Variants in VPS13D observed in about 807,000 individuals in gnomAD.
The protein encoded by VPS13D is vacuolar protein sorting 13 homolog D, also known as intermembrane lipid transfer protein VPS13D.
VPS13D carries 187 observed loss-of-function variants against 461.9 expected under a neutral mutation model. That is an observed-to-expected ratio of 0.40 (90% confidence interval 0.36 to 0.46). The LOEUF is 0.46. VPS13D is among the 20% of genes least tolerant of loss of function. VPS13D has a pLI of 0.60. For missense variants in VPS13D, 4,711 were observed against 5,364.9 expected (o/e 0.88, Z 3.81); for synonymous variants, 1,951 against 1,986.3 (o/e 0.98, Z 0.47).
At chr1:12,363,941 G>C (rs1023623114) in intron 52 of VPS13D, among the ~76,000 whole-genome samples, 1 of 84,858 alleles carries the variant, frequency 1.2e-5, no homozygotes, top group African/African-American at 4.9e-5. Flanking sequence ...GACAGAGTAA[G>C]ACTCTATCTC....
At chr1:12,247,738 CTG>C (rs1481764702) in intron 5 of VPS13D, among the ~76,000 whole-genome samples, 2 of 146,344 alleles carry the variant, frequency 1.4e-5, no homozygotes, top group East Asian at 4.0e-4. Flanking sequence ...GAGTCTCCCT[CTG>C]TTGCTCAGGC....
intron 60 of VPS13D, among the ~76,000 whole-genome samples, chr1:12,397,476 G>A (rs571897963): frequency 6.6e-6 from 1 of 152,324 alleles, no homozygotes; most frequent in South Asian, 2.1e-4. Context: ...CAAAGGAGAA[G>A]ACAATATGGT....
intron 46 of VPS13D, among the ~76,000 whole-genome samples, chr1:12,351,230 C>T (rs564191355): frequency 6.6e-6 from 1 of 152,338 alleles, no homozygotes; most frequent in Admixed American, 6.5e-5. Context: ...GATACAGCTA[C>T]TATGTAAAAA....
chr1:12,358,679 GC>G (rs1643909645), intron 50 of VPS13D, 78 bp downstream of exon 50: 2 of 1,553,366 alleles, frequency 1.3e-6, no homozygotes, highest in Admixed American at 1.9e-5. Context: ...ACCTGGCCAT[GC>G]ATTTTGGCCT....
intron 60 of VPS13D, among the ~76,000 whole-genome samples, chr1:12,398,077 T>C (rs1489279868): frequency 1.3e-5 from 2 of 152,192 alleles, no homozygotes; most frequent in Non-Finnish European, 2.9e-5. Context: ...TGTGTATGAC[T>C]CGATTTATAG....
chr1:12,364,045 A>T, intron 52 of VPS13D, among the ~76,000 whole-genome samples: 1 of 151,900 alleles, frequency 6.6e-6, no homozygotes, highest in African/African-American at 2.4e-5. Context: ...CTTTAAAAAA[A>T]TTATTTAAAA....
intron 67 of VPS13D, among the ~76,000 whole-genome samples, chr1:12,461,020 C>G (rs1345883037): frequency 6.6e-6 from 1 of 152,204 alleles, no homozygotes; most frequent in African/African-American, 2.4e-5. Context: ...AAATCAGGGA[C>G]AGCCCATATG....
Position 12,469,978 on chromosome 1 carries a change from C to G in VPS13D, c.12662+9582C>G, listed in dbSNP as rs529897055. On this transcript the variant is annotated intron_variant, in intron 67 of 69. Coordinates refer to ENST00000620676, the MANE Select transcript of VPS13D (RefSeq NM_015378.4). ...CTTGCCAAAACCTCAACTTTCTCCC[C>G]TAGCAAAGTTGCTGGAGTAGGATAA... is the stretch of plus-strand genomic sequence containing the variant. Among the ~76,000 whole-genome samples, 8 of 152,308 alleles carry G rather than the reference C, an allele frequency of 5.3e-5. No individual in the cohort carries two copies. In the South Asian group the frequency reaches 1.7e-3, roughly 32 times the overall value.
chr1:12,454,849 A>G (rs565032651), intron 65 of VPS13D, among the ~76,000 whole-genome samples: 1 of 152,386 alleles, frequency 6.6e-6, no homozygotes, highest in Admixed American at 6.5e-5. Flanking sequence ...GTCCTGGGTC[A>G]TTGGCACTTA....
chr1:12,490,772 C>T (rs550929703), intron 67 of VPS13D, among the ~76,000 whole-genome samples: 5 of 139,930 alleles, frequency 3.6e-5, no homozygotes, highest in African/African-American at 5.4e-5. Flanking sequence ...GCTACAGGTC[C>T]GAGATAGATG....
chr1:12,403,891 A>G lies in VPS13D; in HGVS notation c.11948A>G (p.Tyr3983Cys), dbSNP rs1396036797. ...TAEQGGTPIR[Y>C]YFENLKISIP... is the part of the protein sequence containing the mutation. ...GAGCAAGGTGGAACACCAATTCGAT[A>G]CTACTTTGAAAATCTCAAAATCAGC... Residue 3983 changes from tyrosine (Y) to cysteine (C), a missense_variant, in exon 63 of 70, where the codon TAC becomes TGC. By Grantham distance (194) the Tyr-to-Cys change is radical. Transcript: ENST00000620676. 2 of 1,613,472 alleles carry G rather than the reference A, an allele frequency of 1.2e-6. No homozygotes were observed. The highest frequency in any genetic ancestry group is 1.7e-6 in the Non-Finnish European group (2 of 1,179,874).
At chr1:12,305,359 T>A (rs1642532617) in intron 26 of VPS13D, among the ~76,000 whole-genome samples, 1 of 152,164 alleles carries the variant, frequency 6.6e-6, no homozygotes, top group Non-Finnish European at 1.5e-5. Context: ...ACTGCAGCAC[T>A]GACCTCCTGA....
chr1:12,469,483 C>G (rs1406502098), intron 67 of VPS13D, among the ~76,000 whole-genome samples: 1 of 152,218 alleles, frequency 6.6e-6, no homozygotes, highest in African/African-American at 2.4e-5. Flanking sequence ...CCTTCTGTGA[C>G]TCTGCATACA....
At chr1:12,320,781 G>C (rs1010638009) in intron 32 of VPS13D, among the ~76,000 whole-genome samples, 8 of 152,204 alleles carry the variant, frequency 5.3e-5, no homozygotes, top group Non-Finnish European at 1.2e-4. Context: ...AAATGAAACT[G>C]TTCTGCTCTG....
At position 12,400,255 on chromosome 1, in the gene VPS13D, C is replaced by T. The variant is rs1644557432; in HGVS notation, c.11709C>T (p.Val3903=). The T allele has an allele frequency of 6.2e-7, 1 of 1,614,124 alleles. No individual in the cohort carries two copies. Among genetic ancestry groups the T allele is most frequent in the Non-Finnish European group, 8.5e-7 (1 of 1,180,038 alleles). The change falls in exon 61 of 70, where the codon GTC becomes GTT. Residue 3903 remains valine (V), a synonymous_variant. Transcript: ENST00000620676. ...CTCCCCTGAGCAATGAGAATGAGGT[C>T]ATCGAGACCGGCCCAGCTGTGCAAG... ...YVTPLSNENE[V]IETGPAVQVN... is the part of the protein sequence containing the mutation.
rs1272832366 is a variant in VPS13D, at chr1:12,282,765, A to G, written c.4663A>G (p.Ser1555Gly). 1.1e-5 allele frequency: 18 copies of G among 1,614,014 alleles called. 1 individual carries two copies. In the Admixed American group the frequency reaches 2.7e-4, roughly 24 times the overall value. The part of the protein sequence containing the change: ...VLQTLDNLVY[S>G]EDLNKYPASA... Reference sequence around the variant, plus strand: ...ACAAACCCTGGACAATCTCGTGTACAGTGAAGATCTGAATAAGTATCCAGC... The same window carrying G: ...ACAAACCCTGGACAATCTCGTGTACGGTGAAGATCTGAATAAGTATCCAGC... The change falls in exon 21 of 70, where the codon AGT (serine) becomes GGT (glycine). Residue 1555 changes from serine (S) to glycine (G), a missense_variant. By Grantham distance (56) the Ser-to-Gly change is moderately conservative. Coordinates refer to ENST00000620676, the MANE Select transcript of VPS13D (RefSeq NM_015378.4).
intron 67 of VPS13D, among the ~76,000 whole-genome samples, chr1:12,466,913 T>C (rs879705215): frequency 2.0e-5 from 3 of 152,262 alleles, no homozygotes; most frequent in Non-Finnish European, 4.4e-5. Context: ...TGTCCAAACA[T>C]GGCACAGTAG....
chr1:12,310,066 C>CT (rs1302416982), intron 27 of VPS13D, among the ~76,000 whole-genome samples: 2 of 151,522 alleles, frequency 1.3e-5, no homozygotes, highest in Non-Finnish European at 2.9e-5. Flanking sequence ...AAATTGAACA[C>CT]TTTGTTTTCT....
At chr1:12,462,161 T>G (rs1266187079) in intron 67 of VPS13D, among the ~76,000 whole-genome samples, 1 of 152,190 alleles carries the variant, frequency 6.6e-6, no homozygotes. Context: ...CATAAAAAAT[T>G]ATATAAACAC....
Sources: gnomAD v4.1 joint callset for allele counts (sites outside exome capture counted in the v4.1 genomes callset) on GRCh38, gnomAD v4.1.1 for gene constraint, MANE v1.5 for transcripts, NCBI Gene and HGNC (gene_info 2026-07-23, HGNC 2026-07-21) for gene names.